Variants in DTX2 observed in about 807,000 individuals in gnomAD.
DTX2 encodes the protein deltex E3 ubiquitin ligase 2.
DTX2 carries 29 observed loss-of-function variants against 55.3 expected under a neutral mutation model. The ratio of observed to expected loss-of-function variants is 0.52; its 90% CI spans 0.39 to 0.71. DTX2 has a LOEUF of 0.71. DTX2 is among the 30% of genes least tolerant of loss of function. The pLI is 0.00. For missense variants in DTX2, 537 were observed against 822.5 expected, an observed-to-expected ratio of 0.65 and a Z score of 4.25; for synonymous variants, 276 against 340.4, an observed-to-expected ratio of 0.81 and a Z score of 2.08.
intron 2 of DTX2, among the ~76,000 whole-genome samples, chr7:76,467,185 C>G (rs1486858801): frequency 6.6e-6 from 1 of 150,542 alleles, no homozygotes; most frequent in Non-Finnish European, 1.5e-5. Flanking sequence ...AGACATGAGC[C>G]ACCATGCTCG....
chr7:76,499,848 G>A (rs942741349), intron 6 of DTX2: 19 of 254,062 alleles, frequency 7.5e-5, no homozygotes, highest in African/African-American at 4.6e-4. Context: ...CTCCTGCCAC[G>A]TCTTGGCCCC....
At chr7:76,491,334 G>T in intron 4 of DTX2, among the ~76,000 whole-genome samples, 1 of 132,056 alleles carries the variant, frequency 7.6e-6, no homozygotes, top group African/African-American at 3.0e-5. Context: ...TTGCTCTGTT[G>T]TCCAGGCTGG....
rs1174390669 is a variant in DTX2 at position 76,480,610 on chromosome 7, A to G, written c.101A>G (p.Tyr34Cys). 6.2e-7 allele frequency: 1 copy of G among 1,613,256 alleles called. No individual in the cohort carries two copies. The change falls in exon 3 of 11, where the codon TAC becomes TGC. Residue 34 changes from tyrosine to cysteine, a missense_variant. Coordinates refer to ENST00000430490, the MANE Select transcript of DTX2 (RefSeq NM_001102594.3). ...WQDGLGTWHP[Y>C]SATVCSFIEQ... ...GACGGGCTGGGCACCTGGCACCCCTACAGTGCCACCGTCTGCAGCTTCATC... is the reference window on the plus strand; with the variant it reads ...GACGGGCTGGGCACCTGGCACCCCTGCAGTGCCACCGTCTGCAGCTTCATC...
chr7:76,466,661 G>A (rs561240011), intron 2 of DTX2, among the ~76,000 whole-genome samples: 57 of 151,602 alleles, frequency 3.8e-4, no homozygotes, highest in African/African-American at 1.4e-3. Context: ...GCACGATCTC[G>A]GCTCACTGCA....
rs567622394 is a variant in DTX2 at position 76,492,102 on chromosome 7, G to A, written c.909-51G>A. The A allele has an allele frequency of 1.8e-4, 147 of 797,514 alleles. 3 individuals carry two copies. The East Asian group carries it at 3.0e-3, about 17-fold the overall frequency. 49.4% of individuals were successfully genotyped at this position (797,514 alleles called of 1,614,324 possible). ...ATGACGCAGTGTTTCTCCAGCTCTC[G>A]TTTCCAATAAGTCAGCGGTGTGCAG... is the stretch of plus-strand genomic sequence containing the variant. On this transcript the variant is annotated intron_variant, in intron 4 of 10. Coordinates refer to ENST00000430490, the MANE Select transcript of DTX2 (RefSeq NM_001102594.3).
Position 76,477,800 on chromosome 7 carries a change from C to CTAAATAAATAAA in DTX2, c.-89-2591_-89-2580dup, listed in dbSNP as rs200872991. On this transcript the variant is annotated intron_variant, in intron 2 of 10. Transcript: ENST00000430490. ...TGGGTGACAGAGTGAGACTCGGACT[C>CTAAATAAATAAA]TAAATAAATAAATAAATAAATAAAT... 5.6e-5 allele frequency among the ~76,000 whole-genome samples: 5 copies of CTAAATAAATAAA among 90,074 alleles called. 1 individual carries two copies. In the East Asian group the frequency reaches 1.0e-3, roughly 18 times the overall value. The allele number at this position is 90,074 out of a possible 152,430, so 59.1% of individuals were successfully genotyped here.
At chr7:76,471,636 C>A (rs1446751026) in intron 2 of DTX2, among the ~76,000 whole-genome samples, 1 of 151,178 alleles carries the variant, frequency 6.6e-6, no homozygotes, top group East Asian at 1.9e-4. Context: ...TCAAAGCAGT[C>A]CTTCTGCCTC....
intron 6 of DTX2, 94 bp from the exon 7 acceptor site, chr7:76,500,346 TG>T: frequency 1.7e-6 from 1 of 600,878 alleles, no homozygotes; most frequent in Non-Finnish European, 2.7e-6. Context: ...CATTTCCTCC[TG>T]GCAGCTTAGA....
At chr7:76,480,140 A>G (rs1563731898) in intron 2 of DTX2, among the ~76,000 whole-genome samples, 2 of 126,694 alleles carry the variant, frequency 1.6e-5, no homozygotes, top group Non-Finnish European at 3.3e-5. Context: ...CATCATCTCT[A>G]CAAAAAGTAA....
intron 8 of DTX2, chr7:76,502,759 C>A: frequency 2.1e-6 from 1 of 471,804 alleles, no homozygotes; most frequent in East Asian, 3.2e-5. Flanking sequence ...ACCGCCTCCC[C>A]CTCGGCCACT....
In DTX2 at chr7:76,499,716, A is replaced by G. The variant is rs866917678; in HGVS notation, c.1151-725A>G. 129 of 171,420 alleles carry G rather than the reference A, an allele frequency of 7.5e-4. 2 individuals are homozygous for G. Among genetic ancestry groups the G allele is most frequent in the Middle Eastern group, 3.1e-3 (1 of 320 alleles). The allele number at this position is 171,420 out of a possible 1,614,324, so 10.6% of individuals were successfully genotyped here. ...CCGCGCCGATCCTCACCAGCTCAGG[A>G]GCTTCTTGTCCGTAGGAGAGGCTTT... On this transcript the variant is annotated intron_variant, in intron 6 of 10. Transcript: ENST00000430490.
At position 76,505,663 on chromosome 7, in the gene DTX2, GC is replaced by G; in HGVS notation, c.*64del. The G allele has an allele frequency of 6.6e-7, 1 of 1,507,090 alleles. No homozygotes were observed. Among genetic ancestry groups the G allele is most frequent in the Non-Finnish European group, 8.9e-7 (1 of 1,124,118 alleles). The allele number at this position is 1,507,090 out of a possible 1,614,324, so 93.4% of individuals were successfully genotyped here. ...CCGCTGCCCCATGGCTGGCTGGGTG[GC>G]CAGGCAGGAAGTGCCCAGCCCGAGA... On this transcript the variant is annotated 3_prime_UTR_variant, in exon 11 of 11. Coordinates refer to ENST00000430490, the MANE Select transcript of DTX2 (RefSeq NM_001102594.3). The surrounding 1 kb of genome is among the most constrained non-coding windows in gnomAD (Gnocchi z 4.4).
chr7:76,474,597 T>C (rs553769368), intron 2 of DTX2: 3 of 152,182 alleles, frequency 2.0e-5, no homozygotes, highest in Admixed American at 6.5e-5. Context: ...TCAGATGGGT[T>C]TCTCACATAT....
chr7:76,489,852 G>A (rs1447625962), intron 4 of DTX2, among the ~76,000 whole-genome samples: 2 of 136,764 alleles, frequency 1.5e-5, no homozygotes, highest in Non-Finnish European at 3.2e-5. Flanking sequence ...TGAGTGACTT[G>A]AACATAATCA....
chr7:76,480,753 T>C lies in DTX2; in HGVS notation c.244T>C (p.Trp82Arg), dbSNP rs1809097063. 1 of 1,609,152 alleles carries C rather than the reference T, an allele frequency of 6.2e-7. No homozygotes were observed. The highest frequency in any genetic ancestry group is 8.5e-7 in the Non-Finnish European group (1 of 1,177,162). The change falls in exon 3 of 11, where the codon TGG becomes CGG. Residue 82 changes from tryptophan (W) to arginine (R), a missense_variant. By Grantham distance (101) the Trp-to-Arg change is moderately radical. Coordinates refer to ENST00000430490, the MANE Select transcript of DTX2 (RefSeq NM_001102594.3). ...LAPYIIDLPSWTQFRQDTGTM... is the reference protein window; with the variant it reads ...LAPYIIDLPSRTQFRQDTGTM... ...CCCTTACATTATTGACCTCCCCAGC[T>C]GGACCCAGTTCCGCCAGGACACCGG...
intron 7 of DTX2, 101 bp from the exon 8 acceptor site, chr7:76,502,197 A>C: frequency 8.2e-7 from 1 of 1,216,782 alleles, no homozygotes; most frequent in South Asian, 1.4e-5. Flanking sequence ...CTTTGACTGC[A>C]CTTCCAGCAT....
In DTX2 at chr7:76,464,801, C is replaced by T. The variant is rs189446344; in HGVS notation, c.-90+1092C>T. Among the ~76,000 whole-genome samples, 1,099 of 150,600 alleles carry T rather than the reference C, an allele frequency of 7.3e-3. 6 individuals are homozygous for T. The highest frequency in any genetic ancestry group is 0.026 in the African/African-American group (1,038 of 40,008). ...CTTACATACATCATGCCAGCTTCTT[C>T]GTGGGGAGAGGCAGGTGAGTGGTTT... On this transcript the variant is annotated intron_variant, in intron 2 of 10. Coordinates refer to ENST00000430490, the MANE Select transcript of DTX2 (RefSeq NM_001102594.3).
Position 76,473,029 on chromosome 7 carries a change from C to A in DTX2, c.-89-7392C>A, listed in dbSNP as rs1010627451. Among the ~76,000 whole-genome samples the A allele has an allele frequency of 3.3e-4, 50 of 152,130 alleles. 1 individual carries two copies. The highest frequency in any genetic ancestry group is 6.8e-4 in the Non-Finnish European group (46 of 67,988). On this transcript the variant is annotated intron_variant, in intron 2 of 10. Transcript: ENST00000430490. ...TTAATAAATAGAGATGGGGGTCTCTCTGTGTTGCCCAGGCTGGTCTTGACC... is the reference window on the plus strand; with the variant it reads ...TTAATAAATAGAGATGGGGGTCTCTATGTGTTGCCCAGGCTGGTCTTGACC...
chr7:76,499,823 G>A (rs1339391379), intron 6 of DTX2: 1 of 257,234 alleles, frequency 3.9e-6, no homozygotes, highest in Non-Finnish European at 7.9e-6. Flanking sequence ...CAGCGAGTGA[G>A]GCCGTCAGGG....
Sources: gnomAD v4.1 joint callset for allele counts (sites outside exome capture counted in the v4.1 genomes callset) on GRCh38, gnomAD v4.1.1 for gene constraint, Gnocchi (gnomAD v3.1) non-coding constraint, MANE v1.5 for transcripts, NCBI Gene and HGNC (gene_info 2026-07-23, HGNC 2026-07-21) for gene names.